Variants in PCNT observed in about 807,000 individuals in gnomAD.
The protein encoded by PCNT is pericentrin.
A neutral mutation model predicts 380.4 loss-of-function variants in PCNT; 319 were observed. That is an observed-to-expected ratio of 0.84 (90% CI 0.77 to 0.92). The LOEUF is 0.92. Among genes scored for constraint, PCNT ranks in the 40% least tolerant of loss-of-function variants. The pLI is 0.00. For synonymous variants in PCNT, 1,845 were observed against 1,735.2 expected, an observed-to-expected ratio of 1.06 and a Z score of -1.57; for missense variants, 4,400 against 4,255.3, an observed-to-expected ratio of 1.03 and a Z score of -0.95.
At chr21:46,397,679 G>T (rs73907494) in intron 22 of PCNT, among the ~76,000 whole-genome samples, 185 bp downstream of exon 22, 1 of 152,036 alleles carries the variant, frequency 6.6e-6, no homozygotes, top group African/African-American at 2.4e-5. Context: ...ATGTTGTGGC[G>T]CAGCCCTCTG....
In PCNT at chr21:46,389,098, G is replaced by C. The variant is rs865876035; in HGVS notation, c.3608-101G>C. ...GTGGCGCTGACTCATCTCGGCTGGG[G>C]CGACGTTCTGAGTTCTGTGGCTTCC... On this transcript the variant is annotated intron_variant, in intron 18 of 46. Coordinates refer to ENST00000359568, the MANE Select transcript of PCNT (RefSeq NM_006031.6). 15 of 1,343,100 alleles carry C rather than the reference G, an allele frequency of 1.1e-5. No individual in the cohort carries two copies. In the South Asian group the frequency reaches 1.8e-4, roughly 16 times the overall value. 83.2% of individuals were successfully genotyped at this position (1,343,100 alleles called of 1,614,324 possible).
chr21:46,399,055 G>A (rs530690518), intron 24 of PCNT, among the ~76,000 whole-genome samples: 6 of 152,178 alleles, frequency 3.9e-5, no homozygotes, highest in South Asian at 2.1e-4. Context: ...TCCTGACCTC[G>A]TGATCTGCCT....
At chr21:46,339,521 C>T (rs1440155155) in intron 3 of PCNT, among the ~76,000 whole-genome samples, 5 of 152,110 alleles carry the variant, frequency 3.3e-5, no homozygotes, top group African/African-American at 4.8e-5. Flanking sequence ...AGTCTGAGTC[C>T]GAAAGCTGAA....
At chr21:46,343,374 G>T (rs1157437693) in intron 3 of PCNT, among the ~76,000 whole-genome samples, 1 of 152,146 alleles carries the variant, frequency 6.6e-6, no homozygotes, top group Non-Finnish European at 1.5e-5. Flanking sequence ...TGCTTCTTCT[G>T]CATCTATTGA....
chr21:46,372,154 C>T (rs1054823973), intron 15 of PCNT, among the ~76,000 whole-genome samples: 15 of 149,590 alleles, frequency 1.0e-4, no homozygotes, highest in Non-Finnish European at 1.5e-4. Context: ...TGTGCCCATA[C>T]AAGGCACACG....
chr21:46,378,982 C>T (rs1333313942), intron 15 of PCNT, among the ~76,000 whole-genome samples: 1 of 152,132 alleles, frequency 6.6e-6, no homozygotes, highest in Non-Finnish European at 1.5e-5. Context: ...TGTGTCGTTA[C>T]CTGCACTACT....
Position 46,399,586 on chromosome 21 carries a change from T to G in PCNT, c.4585-4T>G, listed in dbSNP as rs771304043. ...TATTCCTCAAGCATTTTTTGTTGTT[T>G]TAGGTTGAGTTGTTACAACAAAAGT... is the stretch of plus-strand genomic sequence containing the variant. On this transcript the variant is annotated splice_region_variant and splice_polypyrimidine_tract_variant and intron_variant, in intron 24 of 46. Coordinates refer to ENST00000359568, the MANE Select transcript of PCNT (RefSeq NM_006031.6). 5 of 1,604,156 alleles carry G rather than the reference T, an allele frequency of 3.1e-6. No individual in the cohort carries two copies. The highest frequency in any genetic ancestry group is 4.3e-6 in the Non-Finnish European group (5 of 1,170,994).
chr21:46,346,276 T>A, intron 4 of PCNT, 68 bp downstream of exon 4: 2 of 679,176 alleles, frequency 2.9e-6, no homozygotes, highest in Non-Finnish European at 2.7e-6. Flanking sequence ...ACAGTGGGCA[T>A]CCGGGTGGGG....
At chr21:46,326,907 G>A (rs1195663652) in intron 2 of PCNT, among the ~76,000 whole-genome samples, 1 of 151,690 alleles carries the variant, frequency 6.6e-6, no homozygotes, top group Non-Finnish European at 1.5e-5. Flanking sequence ...CAGCTACTCG[G>A]GAGGTTGAGG....
At chr21:46,381,945 T>G (rs2085560526) in intron 16 of PCNT, 105 bp downstream of exon 16, 1 of 1,246,192 alleles carries the variant, frequency 8.0e-7, no homozygotes, top group African/African-American at 1.5e-5. Context: ...ACTCATGGTG[T>G]TGTGCATTTA....
chr21:46,445,329 T>A lies in PCNT; in HGVS notation c.*2T>A. ...TGCCACCCGATGATTAAACAGTGAA[T>A]AAAATGTCATGGCTCTTTCCTGCGA... On this transcript the variant is annotated 3_prime_UTR_variant, in exon 47 of 47. Coordinates refer to ENST00000359568, the MANE Select transcript of PCNT (RefSeq NM_006031.6). 1 of 1,597,386 alleles carries A rather than the reference T, an allele frequency of 6.3e-7. No individual in the cohort carries two copies. The highest frequency in any genetic ancestry group is 8.6e-7 in the Non-Finnish European group (1 of 1,164,622).
chr21:46,334,003 A>G lies in PCNT; in HGVS notation c.268-394A>G, dbSNP rs544489037. ...GGGCGGATCACGAGGTCAGGAGATC[A>G]AGACCATCTTGGCTAACATGGTGAA... On this transcript the variant is annotated intron_variant, in intron 2 of 46. Transcript: ENST00000359568. Among the ~76,000 whole-genome samples the G allele has an allele frequency of 3.2e-4, 48 of 152,196 alleles. No individual in the cohort carries two copies. In the Middle Eastern group the frequency reaches 0.01, roughly 32 times the overall value.
At chr21:46,368,488 C>T (rs1001646180) in intron 15 of PCNT, among the ~76,000 whole-genome samples, 1 of 152,056 alleles carries the variant, frequency 6.6e-6, no homozygotes, top group African/African-American at 2.4e-5. Flanking sequence ...ACAGGCACTT[C>T]CAAGTTTTTA....
chr21:46,428,535 G>A lies in PCNT; in HGVS notation c.7635G>A (p.Ala2545=), dbSNP rs559849032. The A allele has an allele frequency of 7.1e-5, 114 of 1,610,102 alleles. 1 individual carries two copies. In the South Asian group the frequency reaches 7.9e-4, roughly 11 times the overall value. Reference sequence around the variant, plus strand: ...AGAAGCTGCAGCACTTGCGCACGGCGCTGACAAGCGCAGAGGCGCGCGGGA... The same window carrying A: ...AGAAGCTGCAGCACTTGCGCACGGCACTGACAAGCGCAGAGGCGCGCGGGA... ...NQEKLQHLRT[A]LTSAEARGSQ... The change falls in exon 35 of 47, where the codon GCG becomes GCA. Residue 2545 remains alanine, a synonymous_variant. Coordinates refer to ENST00000359568, the MANE Select transcript of PCNT (RefSeq NM_006031.6).
At chr21:46,397,133 C>T (rs912336422) in intron 21 of PCNT, 132 bp from the exon 22 acceptor site, 7 of 737,204 alleles carry the variant, frequency 9.5e-6, no homozygotes, top group Middle Eastern at 3.7e-4. Flanking sequence ...AAAAGATGGG[C>T]GTTTTACCCC....
intron 17 of PCNT, among the ~76,000 whole-genome samples, chr21:46,386,494 T>G (rs13051364): frequency 0.67 from 101,733 of 152,138 alleles, 34,705 homozygotes; most frequent in African/African-American, 0.79. Flanking sequence ...TGTGCCTGGG[T>G]AGCTGCAGGC....
chr21:46,349,279 G>A (rs755406264), intron 7 of PCNT, 93 bp downstream of exon 7: 256 of 1,057,252 alleles, frequency 2.4e-4, no homozygotes, highest in African/African-American at 6.6e-4. Context: ...GCGTCATTGC[G>A]CACGTTTCCT....
intron 15 of PCNT, among the ~76,000 whole-genome samples, chr21:46,376,172 C>T (rs543517834): frequency 3.3e-5 from 5 of 152,244 alleles, no homozygotes; most frequent in Admixed American, 2.0e-4. Context: ...CTGAGTGGGG[C>T]GTAGTTTGGG....
intron 1 of PCNT, among the ~76,000 whole-genome samples, chr21:46,325,462 G>A (rs28665476): frequency 0.14 from 21,739 of 152,270 alleles, 1,729 homozygotes; most frequent in Non-Finnish European, 0.17. Flanking sequence ...GCTATATCCC[G>A]ACATGGATAG....
Sources: allele counts gnomAD v4.1 joint callset (sites outside exome capture counted in the v4.1 genomes callset), GRCh38; gene constraint gnomAD v4.1.1; transcripts MANE v1.5; gene names NCBI Gene and HGNC (gene_info 2026-07-23, HGNC 2026-07-21).